The following PCDHGA5 variants were observed in gnomAD, a reference collection of about 807,000 sequenced individuals.
PCDHGA5 encodes the protein protocadherin gamma subfamily A, 5.
In PCDHGA5, 36 loss-of-function variants were observed where a neutral mutation model predicts 56.7. That is an observed-to-expected ratio of 0.64 (90% CI 0.49 to 0.84). The LOEUF is 0.84. PCDHGA5 is among the 40% of genes least tolerant of loss of function. PCDHGA5 has a pLI of 0.00. For missense variants in PCDHGA5, 1,305 were observed against 1,201.5 expected (o/e 1.09, Z -1.27); for synonymous variants, 563 against 520.2 (o/e 1.08, Z -1.12).
intron 1 of PCDHGA5, chr5:141,415,740 G>GTGT: frequency 1.6e-6 from 1 of 617,992 alleles, no homozygotes; most frequent in Non-Finnish European, 2.1e-6. Context: ...GTTTATTAAG[G>GTGT]TTTTTTTTTT....
At chr5:141,421,267 C>T in intron 1 of PCDHGA5, 1 of 1,611,374 alleles carries the variant, frequency 6.2e-7, no homozygotes, top group Non-Finnish European at 8.5e-7. Flanking sequence ...CAGTCGGCTG[C>T]TGCTGCTGCT....
chr5:141,410,345 C>T, intron 1 of PCDHGA5: 1 of 1,614,040 alleles, frequency 6.2e-7, no homozygotes, highest in Non-Finnish European at 8.5e-7. Flanking sequence ...TGCCTTGCGC[C>T]TGCGACGCTC....
Position 141,491,650 on chromosome 5 carries a change from G to C in PCDHGA5, c.2422-3157G>C, listed in dbSNP as rs1283977913. On this transcript the variant is annotated intron_variant, in intron 1 of 3. Coordinates refer to ENST00000518069, the MANE Select transcript of PCDHGA5 (RefSeq NM_018918.3). The surrounding 1 kb of genome is among the most constrained non-coding windows in gnomAD (Gnocchi z 6.9). ...TCAGCAGCCCACAGCTCTGGCGCTG[G>C]AGCCTGACGCCATCCGGTCCCGCTC... The C allele has an allele frequency of 6.2e-7, 1 of 1,613,876 alleles. No individual in the cohort carries two copies. The highest frequency in any genetic ancestry group is 1.7e-5 in the Admixed American group (1 of 60,034).
intron 1 of PCDHGA5, chr5:141,377,921 A>C (rs1249670755): frequency 6.6e-6 from 1 of 152,150 alleles, no homozygotes; most frequent in African/African-American, 2.4e-5. Flanking sequence ...GTAAAAATCC[A>C]CCTGTAACTG....
intron 1 of PCDHGA5, chr5:141,395,503 G>A (rs1428846111): frequency 2.2e-6 from 1 of 457,378 alleles, no homozygotes; most frequent in Non-Finnish European, 3.8e-6. Flanking sequence ...ATTCACTTAA[G>A]AAGTAGCTAC....
At chr5:141,419,665 C>T in intron 1 of PCDHGA5, 1 of 1,612,860 alleles carries the variant, frequency 6.2e-7, no homozygotes, top group East Asian at 2.2e-5. Flanking sequence ...GGCACAATGC[C>T]TGGCTGTCCT....
intron 1 of PCDHGA5, chr5:141,422,019 G>C: frequency 6.2e-7 from 1 of 1,610,862 alleles, no homozygotes; most frequent in Non-Finnish European, 8.5e-7. Context: ...GGGTGCTGAT[G>C]GTTAATGCAA....
Position 141,477,483 on chromosome 5 carries a change from A to G in PCDHGA5, c.2422-17324A>G. The G allele has an allele frequency of 6.2e-7, 1 of 1,614,028 alleles. No individual in the cohort carries two copies. On this transcript the variant is annotated intron_variant, in intron 1 of 3. Coordinates refer to ENST00000518069, the MANE Select transcript of PCDHGA5 (RefSeq NM_018918.3). The surrounding 1 kb of genome is among the most constrained non-coding windows in gnomAD (Gnocchi z 4.9). ...TCCGACATCAATGACAACCCTCCAC[A>G]ATCTTCTCAATCTTCCTACGACGTT...
intron 1 of PCDHGA5, chr5:141,382,935 A>C: frequency 6.3e-7 from 1 of 1,589,148 alleles, no homozygotes; most frequent in Non-Finnish European, 8.6e-7. Flanking sequence ...ACTACAGAGG[A>C]TTCTTCCTGC....
At chr5:141,419,724 G>T in intron 1 of PCDHGA5, 1 of 1,613,488 alleles carries the variant, frequency 6.2e-7, no homozygotes, top group Non-Finnish European at 8.5e-7. Flanking sequence ...CTGGGGCTGC[G>T]AACAGGCGAG....
intron 1 of PCDHGA5, among the ~76,000 whole-genome samples, chr5:141,448,768 G>T (rs544426582): frequency 2.6e-5 from 4 of 151,750 alleles, no homozygotes; most frequent in Non-Finnish European, 4.4e-5. Context: ...GTGAAACCCC[G>T]TCTGTACTAA....
intron 1 of PCDHGA5, chr5:141,395,544 G>GTTTGTT (rs70988801): frequency 1.5e-3 from 17 of 11,560 alleles, no homozygotes; most frequent in African/African-American, 4.5e-3. Flanking sequence ...GCTATTGTTT[G>GTTTGTT]TGTGTGTGTG....
intron 1 of PCDHGA5, chr5:141,393,748 G>A (rs368249829): frequency 1.2e-6 from 2 of 1,613,866 alleles, no homozygotes; most frequent in Non-Finnish European, 8.5e-7. Flanking sequence ...TATGAAGAAT[G>A]TTCATTTTAT....
intron 2 of PCDHGA5, among the ~76,000 whole-genome samples, chr5:141,495,193 T>C (rs1471524188): frequency 6.6e-6 from 1 of 152,192 alleles, no homozygotes; most frequent in Admixed American, 6.5e-5. Context: ...TCTATGCCCA[T>C]GTACTGCCTA....
At chr5:141,492,121 C>G (rs1205499685) in intron 1 of PCDHGA5, among the ~76,000 whole-genome samples, 1 of 152,232 alleles carries the variant, frequency 6.6e-6, no homozygotes, top group Non-Finnish European at 1.5e-5. Context: ...CGATTTCTCC[C>G]CAGCTCCCAG....
At chr5:141,398,174 T>C (rs763077513) in intron 1 of PCDHGA5, 16 of 1,476,290 alleles carry the variant, frequency 1.1e-5, no homozygotes, top group African/African-American at 1.4e-5. Flanking sequence ...AGGCTGCCAG[T>C]GCTCTTTCTC....
intron 1 of PCDHGA5, among the ~76,000 whole-genome samples, chr5:141,437,980 C>T (rs1198278358): frequency 1.3e-5 from 2 of 152,050 alleles, no homozygotes; most frequent in Non-Finnish European, 2.9e-5. Flanking sequence ...TTGGGATGCA[C>T]CCACCCCACC....
chr5:141,401,211 G>A (rs1180713351), intron 1 of PCDHGA5, among the ~76,000 whole-genome samples: 5 of 151,994 alleles, frequency 3.3e-5, no homozygotes, highest in South Asian at 2.1e-4. Context: ...GTGTGGTGGC[G>A]GGCGCCTGTA....
intron 1 of PCDHGA5, chr5:141,384,729 G>C: frequency 6.2e-7 from 1 of 1,614,122 alleles, no homozygotes; most frequent in Middle Eastern, 1.7e-4. Flanking sequence ...TCCTGCTTAA[G>C]GCCAGCGAGC....
Sources: allele counts gnomAD v4.1 joint callset (sites outside exome capture counted in the v4.1 genomes callset), GRCh38; gene constraint gnomAD v4.1.1; non-coding constraint Gnocchi (gnomAD v3.1); transcripts MANE v1.5; gene names NCBI Gene and HGNC (gene_info 2026-07-23, HGNC 2026-07-21).